The following USP6NL variants were observed in gnomAD, a reference collection of about 807,000 sequenced individuals.
The protein encoded by USP6NL is USP6 N-terminal like.
In USP6NL, 26 loss-of-function variants were observed where a neutral mutation model predicts 61.9. The observed-to-expected ratio is 0.42, with a 90% CI of 0.31 to 0.58. The LOEUF (loss-of-function observed/expected upper bound fraction) is 0.58, where lower values mean the gene tolerates loss of function less well. Among genes scored for constraint, USP6NL ranks in the 20% least tolerant of loss-of-function variants. USP6NL has a pLI of 0.16. For missense variants in USP6NL, 1,114 were observed against 1,034.3 expected (o/e 1.08, Z -1.06); for synonymous variants, 432 against 390.1 (o/e 1.11, Z -1.27).
chr10:11,467,762 A>G (rs1404984958), intron 14 of USP6NL, among the ~76,000 whole-genome samples: 1 of 152,142 alleles, frequency 6.6e-6, no homozygotes, highest in East Asian at 1.9e-4. Context: ...GTAGTCATTA[A>G]TATAGTTTTT....
chr10:11,475,234 A>G (rs954224648), intron 14 of USP6NL, among the ~76,000 whole-genome samples: 11 of 151,978 alleles, frequency 7.2e-5, no homozygotes, highest in Admixed American at 4.6e-4. Flanking sequence ...AGGTAACCAA[A>G]GAGTTACATT....
rs1476963612 is a variant in USP6NL at position 11,611,451 on chromosome 10, G to T, written c.-92C>A. ...TGAGGAATGGAAGTTACCTCAGTAC[G>T]GTCCCGACTGCTAGGCTGTGGGCAG... On this transcript the variant is annotated 5_prime_UTR_variant, in exon 1 of 15. Coordinates refer to ENST00000609104, the MANE Select transcript of USP6NL (RefSeq NM_014688.5). The surrounding 1 kb of genome is among the most constrained non-coding windows in gnomAD (Gnocchi z 5.3). 1 of 153,428 alleles carries T rather than the reference G, an allele frequency of 6.5e-6. No individual in the cohort carries two copies. Among genetic ancestry groups the T allele is most frequent in the South Asian group, 1.9e-4 (1 of 5,314 alleles). The allele number at this position is 153,428 out of a possible 1,614,324, so 9.5% of individuals were successfully genotyped here.
At chr10:11,533,657 G>A (rs947944767) in intron 2 of USP6NL, among the ~76,000 whole-genome samples, 1 of 152,154 alleles carries the variant, frequency 6.6e-6, no homozygotes, top group Non-Finnish European at 1.5e-5. Flanking sequence ...GCTCCAGAAG[G>A]AACCAGCCCT....
Position 11,581,139 on chromosome 10 carries a change from T to C in USP6NL, c.4+16492A>G, listed in dbSNP as rs1252959802. ...ATAGTTTTTCTTATTATTATAATAA[T>C]AATGAATGTTCACTATAGAAAAATA... On this transcript the variant is annotated intron_variant, in intron 2 of 14. Transcript: ENST00000609104. Among the ~76,000 whole-genome samples the C allele has an allele frequency of 5.3e-5, 8 of 152,242 alleles. No homozygotes were observed. In the East Asian group the frequency reaches 1.3e-3, roughly 26 times the overall value.
In USP6NL at chr10:11,489,219, C is replaced by T; in HGVS notation, c.547G>A (p.Val183Ile). ...TGGCTCATCCCCTGACAATACCCGA[C>T]TTCCTGGGGAGCAAAGGGGAACACA... ...LAAYSIYNTEVGYCQGMSQIT... is the reference protein window; with the variant it reads ...LAAYSIYNTEIGYCQGMSQIT... The change falls in exon 10 of 15, where the codon GTC (valine) becomes ATC (isoleucine). Residue 183 changes from valine (V) to isoleucine (I), a missense_variant. Coordinates refer to ENST00000609104, the MANE Select transcript of USP6NL (RefSeq NM_014688.5). The surrounding 1 kb of genome is among the most constrained non-coding windows in gnomAD (Gnocchi z 5.7). The T allele has an allele frequency of 6.2e-7, 1 of 1,613,746 alleles. No individual in the cohort carries two copies. The highest frequency in any genetic ancestry group is 1.1e-5 in the South Asian group (1 of 91,054).
intron 1 of USP6NL, among the ~76,000 whole-genome samples, chr10:11,608,582 C>A (rs900774033): frequency 2.6e-5 from 4 of 152,182 alleles, no homozygotes; most frequent in Admixed American, 2.6e-4. Flanking sequence ...TTACAAGTCG[C>A]TTCCACAGGG....
intron 2 of USP6NL, among the ~76,000 whole-genome samples, chr10:11,571,275 A>T (rs1837350634): frequency 6.6e-6 from 1 of 151,864 alleles, no homozygotes; most frequent in African/African-American, 2.4e-5. Context: ...CAGTAGAGAC[A>T]TGGTTTCTCC....
rs1360524385 is a variant in USP6NL at position 11,587,217 on chromosome 10, ATTAT to A, written c.4+10410_4+10413del. Among the ~76,000 whole-genome samples the A allele has an allele frequency of 6.6e-6, 1 of 152,214 alleles. No individual in the cohort carries two copies. Among genetic ancestry groups the A allele is most frequent in the Non-Finnish European group, 1.5e-5 (1 of 68,040 alleles). On this transcript the variant is annotated intron_variant, in intron 2 of 14. Transcript: ENST00000609104. The surrounding 1 kb of genome is among the most constrained non-coding windows in gnomAD (Gnocchi z 4.5). Reference sequence around the variant, plus strand: ...TGTTTATACTAAAATTAAAACAATTATTATTTATTCAAAATTACAATTCTCTCCC... The same window carrying A: ...TGTTTATACTAAAATTAAAACAATTATTATTCAAAATTACAATTCTCTCCC...
chr10:11,560,104 T>G (rs1322556977), intron 2 of USP6NL, among the ~76,000 whole-genome samples: 1 of 152,194 alleles, frequency 6.6e-6, no homozygotes, highest in East Asian at 1.9e-4. Flanking sequence ...AATAAAATAA[T>G]AAAGTCTCAT....
At position 11,595,522 on chromosome 10, in the gene USP6NL, T is replaced by G. The variant is rs1329195364; in HGVS notation, c.4+2109A>C. 6.6e-6 allele frequency among the ~76,000 whole-genome samples: 1 copy of G among 152,178 alleles called. No homozygotes were observed. The highest frequency in any genetic ancestry group is 6.5e-5 in the Admixed American group (1 of 15,276). The stretch of plus-strand genomic sequence containing the variant: ...GCTGACTCAGTGACTGAATCTGTGA[T>G]GTTCTCAACGTCACCATGGGGCCAG... On this transcript the variant is annotated intron_variant, in intron 2 of 14. Transcript: ENST00000609104. The surrounding 1 kb of genome is among the most constrained non-coding windows in gnomAD (Gnocchi z 5.3).
At chr10:11,467,485 A>C (rs1409796981) in intron 14 of USP6NL, among the ~76,000 whole-genome samples, 24 of 152,196 alleles carry the variant, frequency 1.6e-4, no homozygotes, top group Admixed American at 1.6e-3. Flanking sequence ...TGCTATAAGG[A>C]TGTTCAAAAC....
In USP6NL at chr10:11,528,297, C is replaced by A. The variant is rs1196320647; in HGVS notation, c.5-730G>T. On this transcript the variant is annotated intron_variant, in intron 2 of 14. Coordinates refer to ENST00000609104, the MANE Select transcript of USP6NL (RefSeq NM_014688.5). The surrounding 1 kb of genome is among the most constrained non-coding windows in gnomAD (Gnocchi z 4.6). ...CAATAACAGACTATATAAAAGGCTT[C>A]TCTTACCAAAAAAAAAAAGCATTCT... 2.0e-5 allele frequency among the ~76,000 whole-genome samples: 3 copies of A among 148,284 alleles called. No individual in the cohort carries two copies. The highest frequency in any genetic ancestry group is 6.7e-5 in the Admixed American group (1 of 14,888).
Position 11,587,406 on chromosome 10 carries a change from C to G in USP6NL, c.4+10225G>C, listed in dbSNP as rs1838011377. On this transcript the variant is annotated intron_variant, in intron 2 of 14. Coordinates refer to ENST00000609104, the MANE Select transcript of USP6NL (RefSeq NM_014688.5). This position sits in a 1 kb window ranked among gnomAD's most constrained non-coding sequence, Gnocchi z 4.5. ...GTTAATCTTCTAGCTTTCACTATCC[C>G]TTGCAATTATTAAACTTTTAACAGT... is the stretch of plus-strand genomic sequence containing the variant. Among the ~76,000 whole-genome samples, 1 of 151,698 alleles carries G rather than the reference C, an allele frequency of 6.6e-6. No homozygotes were observed. Among genetic ancestry groups the G allele is most frequent in the Non-Finnish European group, 1.5e-5 (1 of 67,912 alleles).
In USP6NL at chr10:11,592,918, T is replaced by C. The variant is rs1055356816; in HGVS notation, c.4+4713A>G. Among the ~76,000 whole-genome samples the C allele has an allele frequency of 6.6e-6, 1 of 152,342 alleles. No individual in the cohort carries two copies. The highest frequency in any genetic ancestry group is 6.5e-5 in the Admixed American group (1 of 15,304). On this transcript the variant is annotated intron_variant, in intron 2 of 14. Transcript: ENST00000609104. The surrounding 1 kb of genome is among the most constrained non-coding windows in gnomAD (Gnocchi z 4.7). ...ACTTCAGCATGAACACTTAGTCCCC[T>C]GCTCCAGTGAATGAAGGTCTTTACT...
chr10:11,511,801 A>AAAAAT lies in USP6NL; in HGVS notation c.196-2131_196-2127dup, dbSNP rs1472867911. ...ATTAAGTATGCTTTTCCCTACAGCA[A>AAAAAT]AAAATAAAATAAAATAATATATATT... On this transcript the variant is annotated intron_variant, in intron 5 of 14. Coordinates refer to ENST00000609104, the MANE Select transcript of USP6NL (RefSeq NM_014688.5). This position sits in a 1 kb window ranked among gnomAD's most constrained non-coding sequence, Gnocchi z 4.9. Among the ~76,000 whole-genome samples the AAAAAT allele has an allele frequency of 6.7e-6, 1 of 150,332 alleles. No individual in the cohort carries two copies. Among genetic ancestry groups the AAAAAT allele is most frequent in the South Asian group, 2.1e-4 (1 of 4,722 alleles).
chr10:11,608,004 C>T (rs2133695531), intron 1 of USP6NL, among the ~76,000 whole-genome samples: 1 of 152,274 alleles, frequency 6.6e-6, no homozygotes, highest in South Asian at 2.1e-4. Flanking sequence ...AGAGTAACTC[C>T]TGATCTTTCT....
chr10:11,562,260 T>G lies in USP6NL; in HGVS notation c.5-34693A>C. The G allele has an allele frequency of 3.5e-6, 1 of 288,756 alleles. No homozygotes were observed. Among genetic ancestry groups the G allele is most frequent in the Non-Finnish European group, 4.8e-6 (1 of 208,408 alleles). The allele number at this position is 288,756 out of a possible 1,614,324, so 17.9% of individuals were successfully genotyped here. A position where few individuals can be genotyped will look rare whatever the true frequency, so the allele number is the denominator to read the frequency against. On this transcript the variant is annotated intron_variant, in intron 2 of 14. Coordinates refer to ENST00000609104, the MANE Select transcript of USP6NL (RefSeq NM_014688.5). This position sits in a 1 kb window ranked among gnomAD's most constrained non-coding sequence, Gnocchi z 4.8. ...CTGGCGGACAGTGCAAGACTCCATCTCAAAAAAAAAAAAAAAAAATTGCAT... is the reference window on the plus strand; with the variant it reads ...CTGGCGGACAGTGCAAGACTCCATCGCAAAAAAAAAAAAAAAAAATTGCAT...
rs759712522 is a variant in USP6NL, at chr10:11,561,672, G to A, written c.5-34105C>T. Among the ~76,000 whole-genome samples the A allele has an allele frequency of 2.0e-5, 3 of 152,208 alleles. No individual in the cohort carries two copies. Among genetic ancestry groups the A allele is most frequent in the Non-Finnish European group, 4.4e-5 (3 of 68,046 alleles). ...TTTGGGTATTGTAAACAATGCTACAGTGAGGATCTTTGTGCATGTTATCTT... is the reference window on the plus strand; with the variant it reads ...TTTGGGTATTGTAAACAATGCTACAATGAGGATCTTTGTGCATGTTATCTT... On this transcript the variant is annotated intron_variant, in intron 2 of 14. Coordinates refer to ENST00000609104, the MANE Select transcript of USP6NL (RefSeq NM_014688.5). This position sits in a 1 kb window ranked among gnomAD's most constrained non-coding sequence, Gnocchi z 4.1.
At chr10:11,519,101 C>CTGTCTGTGGTT (rs554580019) in intron 4 of USP6NL, among the ~76,000 whole-genome samples, 4,379 of 152,240 alleles carry the variant, frequency 0.029, 158 homozygotes, top group African/African-American at 0.084. Context: ...CAAAAGCAAC[C>CTGTCTGTGGTT]ACAGACACTA....
Sources: allele counts gnomAD v4.1 joint callset (sites outside exome capture counted in the v4.1 genomes callset), GRCh38; gene constraint gnomAD v4.1.1; non-coding constraint Gnocchi (gnomAD v3.1); transcripts MANE v1.5; gene names NCBI Gene and HGNC (gene_info 2026-07-23, HGNC 2026-07-21).